PARD3: variants seen among roughly 807,000 people sequenced by gnomAD.
The protein encoded by PARD3 is par-3 family cell polarity regulator, also known as partitioning defective 3 homolog.
In PARD3, 75 loss-of-function variants were observed where a neutral mutation model predicts 155.4. The observed-to-expected ratio is 0.48, with a 90% CI of 0.40 to 0.58. PARD3 has a LOEUF of 0.58. Among genes scored for constraint, PARD3 ranks in the 20% least tolerant of loss-of-function variants. The probability of loss-of-function intolerance (pLI) is 0.00; values close to 1 mark genes in which losing one functional copy is unlikely to be tolerated. For synonymous variants in PARD3, 576 were observed against 610.5 expected (o/e 0.94, Z 0.83); for missense variants, 1,642 against 1,721.7 (o/e 0.95, Z 0.82).
chr10:34,754,501 G>A (rs1020508417), intron 1 of PARD3, among the ~76,000 whole-genome samples: 16 of 152,074 alleles, frequency 1.1e-4, no homozygotes, highest in Admixed American at 9.8e-4. Flanking sequence ...TTTACCTATC[G>A]TGTACACACC....
At chr10:34,772,963 A>G (rs1839083628) in intron 1 of PARD3, among the ~76,000 whole-genome samples, 2 of 152,288 alleles carry the variant, frequency 1.3e-5, no homozygotes, top group Admixed American at 1.3e-4. Context: ...ATTACTTCTC[A>G]TTCATACCCA....
intron 6 of PARD3, among the ~76,000 whole-genome samples, chr10:34,401,373 A>T (rs1417616731): frequency 3.9e-5 from 6 of 152,296 alleles, no homozygotes; most frequent in African/African-American, 1.4e-4. Flanking sequence ...AACAACAATA[A>T]ATACATATAT....
At chr10:34,573,213 A>T (rs2086575117) in intron 2 of PARD3, among the ~76,000 whole-genome samples, 1 of 151,692 alleles carries the variant, frequency 6.6e-6, no homozygotes, top group Non-Finnish European at 1.5e-5. Flanking sequence ...AAAATTAGCC[A>T]GGTGTGATGG....
At chr10:34,456,675 T>G (rs1480088509) in intron 4 of PARD3, among the ~76,000 whole-genome samples, 1 of 152,190 alleles carries the variant, frequency 6.6e-6, no homozygotes, top group African/African-American at 2.4e-5. Flanking sequence ...CCAAGCAAAT[T>G]AACTATCCAA....
intron 22 of PARD3, among the ~76,000 whole-genome samples, chr10:34,242,188 G>T (rs1188929538): frequency 6.6e-6 from 1 of 152,046 alleles, no homozygotes; most frequent in African/African-American, 2.4e-5. Flanking sequence ...ATAACACACT[G>T]GTACAGCTTT....
chr10:34,119,546 G>A (rs1203302824), intron 24 of PARD3, 67 bp downstream of exon 24: 5 of 1,474,022 alleles, frequency 3.4e-6, no homozygotes, highest in African/African-American at 1.4e-5. Flanking sequence ...GAAGGAGCGC[G>A]TTCCTAAAGG....
chr10:34,561,948 A>G (rs985798790), intron 2 of PARD3, among the ~76,000 whole-genome samples: 1 of 151,282 alleles, frequency 6.6e-6, no homozygotes, highest in African/African-American at 2.4e-5. Context: ...CCTGGCCAAC[A>G]TGGTGAAACC....
chr10:34,482,158 C>T (rs1307751195), intron 3 of PARD3, among the ~76,000 whole-genome samples: 3 of 150,966 alleles, frequency 2.0e-5, no homozygotes, highest in Admixed American at 6.6e-5. Flanking sequence ...CCTCAGCCTC[C>T]CATGTAGCTG....
intron 22 of PARD3, among the ~76,000 whole-genome samples, chr10:34,180,320 C>G (rs370276035): frequency 6.6e-6 from 1 of 152,206 alleles, no homozygotes; most frequent in Non-Finnish European, 1.5e-5. Flanking sequence ...GTTGGGATTA[C>G]AGGCATGAGC....
At chr10:34,539,758 C>G (rs912658267) in intron 2 of PARD3, among the ~76,000 whole-genome samples, 21 of 152,194 alleles carry the variant, frequency 1.4e-4, no homozygotes, top group African/African-American at 4.8e-4. Context: ...AGTGGAAACA[C>G]TATGTAAAAG....
At chr10:34,629,390 G>A (rs2092145272) in intron 2 of PARD3, among the ~76,000 whole-genome samples, 1 of 152,148 alleles carries the variant, frequency 6.6e-6, no homozygotes, top group Non-Finnish European at 1.5e-5. Flanking sequence ...ATGTACAAAA[G>A]TAGTGATCCA....
At chr10:34,370,805 GGGGT>G (rs1238116602) in intron 12 of PARD3, among the ~76,000 whole-genome samples, 2 of 103,920 alleles carry the variant, frequency 1.9e-5, no homozygotes, top group Non-Finnish European at 3.8e-5. Flanking sequence ...AGATACAAAT[GGGGT>G]GTGTGTGTGT....
At chr10:34,696,284 C>A (rs1412209180) in intron 2 of PARD3, 34 bp downstream of exon 2, 1 of 1,216,968 alleles carries the variant, frequency 8.2e-7, no homozygotes, top group Non-Finnish European at 1.2e-6. Flanking sequence ...AAAAAAAATG[C>A]ATTCAGAACA....
chr10:34,350,616 G>T (rs1235755258), intron 14 of PARD3, among the ~76,000 whole-genome samples: 1 of 129,142 alleles, frequency 7.7e-6, no homozygotes, highest in African/African-American at 3.2e-5. Flanking sequence ...CTGGCTAACA[G>T]AGAGACTCCA....
At chr10:34,653,756 C>T (rs12261204) in intron 2 of PARD3, among the ~76,000 whole-genome samples, 5,804 of 148,684 alleles carry the variant, frequency 0.039, 371 homozygotes, top group African/African-American at 0.14. Context: ...GAATAGCCAC[C>T]GCACTCTAGC....
rs528784069 is a variant in PARD3 at position 34,472,278 on chromosome 10, A to G, written c.404-2015T>C. On this transcript the variant is annotated intron_variant, in intron 3 of 24. Coordinates refer to ENST00000374788, the MANE Select transcript of PARD3 (RefSeq NM_001184785.2). The stretch of plus-strand genomic sequence containing the variant: ...TGGATTTTAGTGTCTGTAAACATTC[A>G]TGACAACCTTTGCTGCTTATTAATT... 5.0e-4 allele frequency among the ~76,000 whole-genome samples: 76 copies of G among 152,310 alleles called. 1 individual carries two copies. Among genetic ancestry groups the G allele is most frequent in the African/African-American group, 1.7e-3 (72 of 41,578 alleles).
chr10:34,536,057 A>C (rs2133841386), intron 2 of PARD3, among the ~76,000 whole-genome samples: 1 of 152,232 alleles, frequency 6.6e-6, no homozygotes, highest in East Asian at 1.9e-4. Flanking sequence ...ACATTCCAAA[A>C]ATAATCCCAA....
intron 1 of PARD3, among the ~76,000 whole-genome samples, chr10:34,773,226 T>C (rs1230910795): frequency 6.6e-6 from 1 of 152,236 alleles, no homozygotes; most frequent in Non-Finnish European, 1.5e-5. Flanking sequence ...TTAGATATTA[T>C]GTTAGTTATA....
At chr10:34,502,533 G>C (rs971497927) in intron 3 of PARD3, among the ~76,000 whole-genome samples, 1 of 152,148 alleles carries the variant, frequency 6.6e-6, no homozygotes, top group African/African-American at 2.4e-5. Context: ...ATGATGATTT[G>C]TTATAGCAAG....
Sources: gnomAD v4.1 joint callset for allele counts (sites outside exome capture counted in the v4.1 genomes callset) on GRCh38, gnomAD v4.1.1 for gene constraint, MANE v1.5 for transcripts, NCBI Gene and HGNC (gene_info 2026-07-23, HGNC 2026-07-21) for gene names.